Variants in RAPGEF1 observed in about 807,000 individuals in gnomAD.
The protein encoded by RAPGEF1 is Rap guanine nucleotide exchange factor 1.
In RAPGEF1, 33 loss-of-function variants were observed where a neutral mutation model predicts 143.3. That is an observed-to-expected ratio of 0.23 (90% confidence interval 0.17 to 0.31). The LOEUF (loss-of-function observed/expected upper bound fraction) is 0.31, where lower values mean the gene tolerates loss of function less well. Among genes scored for constraint, RAPGEF1 ranks in the 10% least tolerant of loss-of-function variants. The pLI, the probability that RAPGEF1 is intolerant of heterozygous loss-of-function variation, is 1.00. For missense variants in RAPGEF1, 1,199 were observed against 1,645.4 expected (o/e 0.73, Z 4.69); for synonymous variants, 629 against 676.5 (o/e 0.93, Z 1.09).
At chr9:131,591,295 C>T (rs1256686911) in intron 18 of RAPGEF1, among the ~76,000 whole-genome samples, 6 of 152,320 alleles carry the variant, frequency 3.9e-5, no homozygotes, top group Middle Eastern at 3.4e-3. Flanking sequence ...CAGGAAGGAG[C>T]GGGGGCGCGG....
At chr9:131,739,744 G>T (rs1311477296) in intron 1 of RAPGEF1, 26 bp downstream of exon 1, 2 of 1,120,268 alleles carry the variant, frequency 1.8e-6, no homozygotes, top group African/African-American at 1.7e-5. Flanking sequence ...CCGGCCGGAG[G>T]GAGCCGCCCC....
intron 1 of RAPGEF1, among the ~76,000 whole-genome samples, chr9:131,714,258 G>A (rs188405651): frequency 7.2e-5 from 11 of 152,118 alleles, no homozygotes; most frequent in African/African-American, 2.4e-4. Flanking sequence ...GTCCCTACAC[G>A]CAAGACGCTG....
chr9:131,592,588 T>G (rs181391522), intron 17 of RAPGEF1, among the ~76,000 whole-genome samples: 6 of 152,172 alleles, frequency 3.9e-5, no homozygotes, highest in Admixed American at 3.3e-4. Context: ...CTGTTCCAGG[T>G]AGGAGCCAGC....
rs1227171385 is a variant in RAPGEF1, at chr9:131,626,231, GC to G, written c.1392del (p.Gln465SerfsTer268). ...HPQPDGPLAP[G>X]QQTDTPPALP... ...AGAGCAGGTGGCGTATCTGTCTGCT[GC>G]CCTGGGGCCAGAGGTCCGTCTGGCT... On this transcript the variant is annotated frameshift_variant, in exon 10 of 27. Transcript: ENST00000683357. LOFTEE classifies it high-confidence loss of function. 6.2e-7 allele frequency: 1 copy of G among 1,613,942 alleles called. No individual in the cohort carries two copies. Among genetic ancestry groups the G allele is most frequent in the Non-Finnish European group, 8.5e-7 (1 of 1,179,832 alleles).
Position 131,580,288 on chromosome 9 carries a change from C to T in RAPGEF1, c.3616G>A (p.Asp1206Asn). 1.9e-6 allele frequency: 3 copies of T among 1,613,932 alleles called. No homozygotes were observed. The highest frequency in any genetic ancestry group is 2.5e-6 in the Non-Finnish European group (3 of 1,179,844). ...SKRWQQFNIL[D>N]SMRCFQQAHY... is the part of the protein sequence containing the mutation. ...GCCTGCTGGAAGCAGCGCATGCTGT[C>T]GAGGATGTTGAACTGCTGCCACCGC... Residue 1206 changes from aspartate to asparagine, a missense_variant, in exon 26 of 27, where the codon GAC becomes AAC. Around this residue, in one of 6 missense-constraint regions of RAPGEF1, gnomAD observed 67 missense variants for 105.4 expected, o/e 0.64. Coordinates refer to ENST00000683357, the MANE Select transcript of RAPGEF1 (RefSeq NM_001377935.1).
chr9:131,664,994 T>G (rs1431025908), intron 1 of RAPGEF1, among the ~76,000 whole-genome samples: 1 of 152,174 alleles, frequency 6.6e-6, no homozygotes, highest in Admixed American at 6.5e-5. Flanking sequence ...GAGCCTGAAT[T>G]TGGCAGTTCA....
rs374606754 is a variant in RAPGEF1 at position 131,682,090 on chromosome 9, CTG to C, written c.62-31143_62-31142del. Among the ~76,000 whole-genome samples the C allele has an allele frequency of 6.0e-3, 916 of 152,216 alleles. 7 individuals carry two copies. The highest frequency in any genetic ancestry group is 0.021 in the African/African-American group (860 of 41,506). On this transcript the variant is annotated intron_variant, in intron 1 of 26. Coordinates refer to ENST00000683357, the MANE Select transcript of RAPGEF1 (RefSeq NM_001377935.1). ...TCTGCTAGCACAGGCAATGGCAAGACTGAGAGTGGATAAAGGAAATACTCCAT... is the reference window on the plus strand; with the variant it reads ...TCTGCTAGCACAGGCAATGGCAAGACAGAGTGGATAAAGGAAATACTCCAT...
rs79616500 is a variant in RAPGEF1 at position 131,584,453 on chromosome 9, C to T, written c.3313-41G>A. Reference sequence around the variant, plus strand: ...CGGTGCCGTGAGGCAGGAGGGCAGGCGGGTCCCGGGCTCCCAGAGCAGGGA... The same window carrying T: ...CGGTGCCGTGAGGCAGGAGGGCAGGTGGGTCCCGGGCTCCCAGAGCAGGGA... On this transcript the variant is annotated intron_variant, in intron 23 of 26. Coordinates refer to ENST00000683357, the MANE Select transcript of RAPGEF1 (RefSeq NM_001377935.1). The surrounding 1 kb of genome is among the most constrained non-coding windows in gnomAD (Gnocchi z 6.8). The T allele has an allele frequency of 8.0e-4, 1,295 of 1,612,692 alleles. 25 individuals carry two copies. In the East Asian group the frequency reaches 0.028, roughly 35 times the overall value.
intron 1 of RAPGEF1, among the ~76,000 whole-genome samples, chr9:131,700,639 C>T (rs1834562059): frequency 1.3e-5 from 2 of 152,040 alleles, no homozygotes; most frequent in Admixed American, 1.3e-4. Context: ...GTACAGTGTC[C>T]CATTTAATAG....
At chr9:131,693,749 A>G (rs2131039348) in intron 1 of RAPGEF1, among the ~76,000 whole-genome samples, 1 of 152,162 alleles carries the variant, frequency 6.6e-6, no homozygotes, top group Admixed American at 6.6e-5. Flanking sequence ...CAAACCCCAG[A>G]TCCCATCCAT....
intron 16 of RAPGEF1, among the ~76,000 whole-genome samples, chr9:131,596,774 G>C (rs1357963685): frequency 6.6e-6 from 1 of 152,156 alleles, no homozygotes; most frequent in East Asian, 1.9e-4. Flanking sequence ...CCTTGCCCAG[G>C]ATGCCTGTGG....
At chr9:131,669,707 A>G (rs1831041788) in intron 1 of RAPGEF1, among the ~76,000 whole-genome samples, 1 of 152,162 alleles carries the variant, frequency 6.6e-6, no homozygotes, top group Non-Finnish European at 1.5e-5. Flanking sequence ...TGCTACTGAT[A>G]CCAGCTGACT....
Position 131,584,653 on chromosome 9 carries a change from G to A in RAPGEF1, c.3234-57C>T. The A allele has an allele frequency of 1.3e-6, 2 of 1,575,646 alleles. No individual in the cohort carries two copies. Among genetic ancestry groups the A allele is most frequent in the Non-Finnish European group, 1.7e-6 (2 of 1,145,674 alleles). ...AGTTGACAAGTCCCTGCAGGTCCCA[G>A]GGGTCCTGGTGGAGACAGGACCTGT... On this transcript the variant is annotated intron_variant, in intron 22 of 26. Transcript: ENST00000683357. The surrounding 1 kb of genome is among the most constrained non-coding windows in gnomAD (Gnocchi z 6.8).
intron 1 of RAPGEF1, among the ~76,000 whole-genome samples, chr9:131,737,890 AGG>A (rs1214129234): frequency 1.0e-3 from 2 of 1,912 alleles, no homozygotes; most frequent in African/African-American, 0.018. Flanking sequence ...GCGTGAACCC[AGG>A]AGGAGGCGGA....
intron 15 of RAPGEF1, among the ~76,000 whole-genome samples, chr9:131,599,850 G>A (rs375139013): frequency 9.9e-5 from 15 of 152,190 alleles, no homozygotes; most frequent in African/African-American, 3.6e-4. Flanking sequence ...AAACGTGGTG[G>A]CTCACGCCTG....
At chr9:131,709,380 C>T (rs1835343811) in intron 1 of RAPGEF1, among the ~76,000 whole-genome samples, 1 of 152,162 alleles carries the variant, frequency 6.6e-6, no homozygotes, top group South Asian at 2.1e-4. Flanking sequence ...ACACATACTG[C>T]ACCAAATGAA....
intron 9 of RAPGEF1, 135 bp from the exon 10 acceptor site, chr9:131,626,557 T>C: frequency 1.3e-6 from 1 of 794,472 alleles, no homozygotes; most frequent in East Asian, 2.7e-5. Flanking sequence ...TATTTTATAT[T>C]CACATGTTAT....
chr9:131,702,154 G>A (rs988360475), intron 1 of RAPGEF1, among the ~76,000 whole-genome samples: 1 of 152,216 alleles, frequency 6.6e-6, no homozygotes, highest in Non-Finnish European at 1.5e-5. Context: ...CAGAAGCAGC[G>A]AAGAGGGATT....
chr9:131,711,053 T>C (rs1835469722), intron 1 of RAPGEF1, among the ~76,000 whole-genome samples: 1 of 141,240 alleles, frequency 7.1e-6, no homozygotes. Context: ...AATATTTAAC[T>C]TTTTTTTTTT....
Sources: gnomAD v4.1 joint callset for allele counts (sites outside exome capture counted in the v4.1 genomes callset) on GRCh38, gnomAD v4.1.1 for gene constraint, gnomAD v4.1.1 regional missense constraint, Gnocchi (gnomAD v3.1) non-coding constraint, MANE v1.5 for transcripts, NCBI Gene and HGNC (gene_info 2026-07-23, HGNC 2026-07-21) for gene names.